ABCA13: variants seen among roughly 807,000 people sequenced by gnomAD.
ABCA13 encodes the protein ATP binding cassette subfamily A member 13.
ABCA13 carries 476 observed loss-of-function variants against 478.7 expected under a neutral mutation model. The ratio of observed to expected loss-of-function variants is 0.99; its 90% confidence interval spans 0.92 to 1.07. ABCA13 has a LOEUF of 1.07. Among genes scored for constraint, ABCA13 ranks in the 50% least tolerant of loss-of-function variants. ABCA13 has a pLI of 0.00. For synonymous variants in ABCA13, 2,252 were observed against 2,158.9 expected (o/e 1.04, Z -1.20); for missense variants, 6,060 against 5,910.6 (o/e 1.03, Z -0.83).
intron 15 of ABCA13, among the ~76,000 whole-genome samples, chr7:48,251,946 T>TAAGCAA (rs1792632963): frequency 6.6e-6 from 1 of 152,178 alleles, no homozygotes; most frequent in Admixed American, 6.5e-5. Flanking sequence ...TTGCTGCTTT[T>TAAGCAA]AAGATTCTCA....
chr7:48,501,206 A>G (rs1297225444), intron 48 of ABCA13, among the ~76,000 whole-genome samples: 1 of 152,204 alleles, frequency 6.6e-6, no homozygotes, highest in Non-Finnish European at 1.5e-5. Flanking sequence ...CAGCAGGTCC[A>G]GGGTTTTCTC....
chr7:48,504,437 T>C (rs1569095), intron 48 of ABCA13, among the ~76,000 whole-genome samples: 73,666 of 151,814 alleles, frequency 0.49, 20,344 homozygotes, highest in African/African-American at 0.76. Context: ...CAGGACTCGG[T>C]AACTTCTTGG....
intron 46 of ABCA13, 77 bp downstream of exon 46, chr7:48,481,231 C>A: frequency 8.2e-7 from 1 of 1,221,246 alleles, no homozygotes. Context: ...TGCTAATGTT[C>A]TTAAAAAGTC....
intron 42 of ABCA13, among the ~76,000 whole-genome samples, chr7:48,442,751 T>C (rs1428606577): frequency 6.6e-6 from 1 of 152,220 alleles, no homozygotes; most frequent in Non-Finnish European, 1.5e-5. Flanking sequence ...CCTGAGAACT[T>C]GCATTTCTAA....
intron 7 of ABCA13, among the ~76,000 whole-genome samples, chr7:48,232,526 G>T (rs1309844544): frequency 6.6e-6 from 1 of 152,060 alleles, no homozygotes; most frequent in Non-Finnish European, 1.5e-5. Context: ...CATGTCTCTT[G>T]TCTCCAAGAA....
chr7:48,285,058 G>A (rs1797540841), intron 19 of ABCA13, among the ~76,000 whole-genome samples: 1 of 152,200 alleles, frequency 6.6e-6, no homozygotes, highest in South Asian at 2.1e-4. Flanking sequence ...CAAGGACAAT[G>A]CAGGAGAGCT....
At chr7:48,358,077 G>A (rs1048117463) in intron 31 of ABCA13, among the ~76,000 whole-genome samples, 3 of 151,340 alleles carry the variant, frequency 2.0e-5, no homozygotes, top group Non-Finnish European at 2.9e-5. Flanking sequence ...AGGAGGCAAA[G>A]GTTGTAGTGA....
At chr7:48,294,434 T>G (rs1270091671) in intron 20 of ABCA13, among the ~76,000 whole-genome samples, 7 of 98,806 alleles carry the variant, frequency 7.1e-5, no homozygotes, top group South Asian at 3.8e-4. Context: ...GGTTTTTTTT[T>G]TTTTTTTGTT....
At chr7:48,327,482 C>T (rs1306288870) in intron 27 of ABCA13, among the ~76,000 whole-genome samples, 2 of 152,114 alleles carry the variant, frequency 1.3e-5, no homozygotes, top group African/African-American at 4.8e-5. Context: ...GTTGGGGACA[C>T]AGCAAAACCA....
intron 27 of ABCA13, among the ~76,000 whole-genome samples, chr7:48,329,739 A>G (rs1040017974): frequency 2.0e-5 from 3 of 151,908 alleles, no homozygotes; most frequent in Non-Finnish European, 4.4e-5. Flanking sequence ...TCATCCATCC[A>G]TCCACACATC....
intron 27 of ABCA13, among the ~76,000 whole-genome samples, chr7:48,319,517 ATATTAT>A (rs1431380859): frequency 2.0e-4 from 30 of 152,178 alleles, no homozygotes; most frequent in Non-Finnish European, 4.4e-5. Flanking sequence ...ATGCGAAGCA[ATATTAT>A]CTACAGTGTT....
chr7:48,431,020 A>C (rs1405902255), intron 42 of ABCA13, among the ~76,000 whole-genome samples: 1 of 151,974 alleles, frequency 6.6e-6, no homozygotes, highest in African/African-American at 2.4e-5. Flanking sequence ...GTACCCTGTA[A>C]ATTTTGATAT....
intron 3 of ABCA13, among the ~76,000 whole-genome samples, chr7:48,200,963 G>A (rs1268480180): frequency 6.6e-6 from 1 of 150,754 alleles, no homozygotes. Flanking sequence ...GGTACCCCAA[G>A]TCCAGCGGAG....
chr7:48,295,910 A>G (rs1167653823), intron 21 of ABCA13, 47 bp downstream of exon 21: 3 of 1,550,422 alleles, frequency 1.9e-6, no homozygotes, highest in Non-Finnish European at 2.6e-6. Flanking sequence ...TTCCATTCAT[A>G]GAGAGGATGT....
intron 7 of ABCA13, among the ~76,000 whole-genome samples, chr7:48,230,839 T>C (rs1409524641): frequency 6.6e-6 from 1 of 152,112 alleles, no homozygotes; most frequent in Non-Finnish European, 1.5e-5. Context: ...ACCAACCCAT[T>C]CATCTGTTCA....
intron 43 of ABCA13, among the ~76,000 whole-genome samples, chr7:48,466,637 T>C (rs185912343): frequency 1.3e-5 from 2 of 152,312 alleles, no homozygotes; most frequent in East Asian, 3.9e-4. Context: ...AATTTGTTTT[T>C]AAAAACCATG....
intron 5 of ABCA13, among the ~76,000 whole-genome samples, chr7:48,225,707 G>A (rs1438756590): frequency 6.6e-6 from 1 of 152,090 alleles, no homozygotes; most frequent in Non-Finnish European, 1.5e-5. Context: ...TTGCATTTGG[G>A]GTTTTGTACT....
intron 59 of ABCA13, chr7:48,626,748 G>A: frequency 2.0e-6 from 2 of 985,630 alleles, no homozygotes; most frequent in Non-Finnish European, 2.4e-6. Flanking sequence ...TTGGGTTTGG[G>A]ACATGGAAAG....
chr7:48,439,973 T>C (rs2129162581), intron 42 of ABCA13, among the ~76,000 whole-genome samples: 1 of 152,274 alleles, frequency 6.6e-6, no homozygotes, highest in Non-Finnish European at 1.5e-5. Flanking sequence ...AAAACAGTAT[T>C]ATAACAAGCT....
Sources: allele counts gnomAD v4.1 joint callset (sites outside exome capture counted in the v4.1 genomes callset), GRCh38; gene constraint gnomAD v4.1.1; transcripts MANE v1.5; gene names NCBI Gene and HGNC (gene_info 2026-07-23, HGNC 2026-07-21).